The following TENM3 variants were observed in gnomAD, a reference collection of about 807,000 sequenced individuals.
TENM3 encodes teneurin-3.
In TENM3, 63 loss-of-function variants were observed where a neutral mutation model predicts 255.1. The ratio of observed to expected loss-of-function variants is 0.25; its 90% CI spans 0.20 to 0.30. TENM3 has a LOEUF of 0.30. TENM3 is among the 10% of genes least tolerant of loss of function. TENM3 has a pLI of 1.00. For synonymous variants in TENM3, 1,306 were observed against 1,322.3 expected, an observed-to-expected ratio of 0.99 and a Z score of 0.27; for missense variants, 2,929 against 3,461.1, an observed-to-expected ratio of 0.85 and a Z score of 3.86.
At chr4:181,477,518 G>T in the TENM3 span, among the ~76,000 whole-genome samples, 5 of 151,950 alleles carry the variant, frequency 3.3e-5, no homozygotes, top group Non-Finnish European at 5.9e-5. Context: ...AATATGTAAA[G>T]GTTTGAATAC....
At chr4:182,064,560 A>G in the TENM3 span, among the ~76,000 whole-genome samples, 14 of 151,930 alleles carry the variant, frequency 9.2e-5, no homozygotes, top group East Asian at 1.9e-4. Context: ...CAGCCTGGGC[A>G]ACAGAGCGAG....
At chr4:181,449,863 A>C in the TENM3 span, among the ~76,000 whole-genome samples, 89,877 of 151,998 alleles carry the variant, frequency 0.59, 26,723 homozygotes, top group Middle Eastern at 0.65. Flanking sequence ...GTATTTGGAC[A>C]CCCAAATCAG....
At chr4:181,721,002 G>C in the TENM3 span, among the ~76,000 whole-genome samples, 1 of 152,032 alleles carries the variant, frequency 6.6e-6, no homozygotes, top group Non-Finnish European at 1.5e-5. Context: ...ACATAGGAGA[G>C]ATGCCTGATC....
Position 182,802,690 on chromosome 4 carries a change from C to A in TENM3, c.*2339C>A, listed in dbSNP as rs1344720842. On this transcript the variant is annotated 3_prime_UTR_variant, in exon 28 of 28. Coordinates refer to ENST00000511685, the MANE Select transcript of TENM3 (RefSeq NM_001080477.4). ...GTGTCCTGTTAGTAGGTATAATGAG[C>A]CTATTTCTTTCTAAAAAGACTTGTG... 1 of 152,220 alleles carries A rather than the reference C, an allele frequency of 6.6e-6. No individual in the cohort carries two copies. Among genetic ancestry groups the A allele is most frequent in the Non-Finnish European group, 1.5e-5 (1 of 68,006 alleles). 9.4% of individuals were successfully genotyped at this position (152,220 alleles called of 1,614,324 possible).
intron 3 of TENM3, among the ~76,000 whole-genome samples, chr4:182,515,361 G>GA (rs904725341): frequency 1.3e-4 from 19 of 151,610 alleles, no homozygotes; most frequent in Admixed American, 3.3e-4. Flanking sequence ...GAATTTTTTT[G>GA]AAAAAAATAG....
At chr4:181,808,649 G>A in the TENM3 span, among the ~76,000 whole-genome samples, 1 of 152,078 alleles carries the variant, frequency 6.6e-6, no homozygotes, top group Non-Finnish European at 1.5e-5. Context: ...AATTCATAAA[G>A]AAATTGCATG....
At chr4:182,025,417 AAC>A in the TENM3 span, among the ~76,000 whole-genome samples, 3 of 152,188 alleles carry the variant, frequency 2.0e-5, no homozygotes, top group Non-Finnish European at 4.4e-5. Context: ...TGGACACATC[AAC>A]AGCTTTGGAA....
the TENM3 span, among the ~76,000 whole-genome samples, chr4:181,495,923 G>C: frequency 2.4e-5 from 2 of 84,830 alleles, no homozygotes; most frequent in African/African-American, 8.1e-5. Flanking sequence ...AAAAAAAAAA[G>C]AAACATAAAA....
At chr4:181,462,056 CT>C in the TENM3 span, among the ~76,000 whole-genome samples, 1 of 152,116 alleles carries the variant, frequency 6.6e-6, no homozygotes, top group African/African-American at 2.4e-5. Flanking sequence ...GACCGATTTG[CT>C]TTTATGCTGT....
chr4:181,821,390 T>C, the TENM3 span, among the ~76,000 whole-genome samples: 3 of 152,330 alleles, frequency 2.0e-5, no homozygotes, highest in South Asian at 4.1e-4. Flanking sequence ...TCTTATATCC[T>C]GCGATATAAT....
Position 182,601,054 on chromosome 4 carries a change from G to A in TENM3, c.642G>A (p.Gln214=). Reference sequence around the variant, plus strand: ...ACTCCCTGACCAATAGAAGGAACCAGAGTCCGGCCCCGCCGGCTGCTTTGC... The same window carrying A: ...ACTCCCTGACCAATAGAAGGAACCAAAGTCCGGCCCCGCCGGCTGCTTTGC... ...NRNSLTNRRN[Q]SPAPPAALPA... Residue 214 remains glutamine (Q), a synonymous_variant, in exon 4 of 28, where the codon CAG becomes CAA. Transcript: ENST00000511685. 1 of 1,613,710 alleles carries A rather than the reference G, an allele frequency of 6.2e-7. No homozygotes were observed. Among genetic ancestry groups the A allele is most frequent in the Non-Finnish European group, 8.5e-7 (1 of 1,179,824 alleles).
At chr4:182,139,987 T>C (rs1749282377), upstream of TENM3, among the ~76,000 whole-genome samples, 1 of 152,244 alleles carries the variant, frequency 6.6e-6, no homozygotes, top group Admixed American at 6.5e-5. Context: ...AAAGCATGTT[T>C]TCCTCTACAA....
chr4:181,867,401 C>T, the TENM3 span, among the ~76,000 whole-genome samples: 2 of 152,166 alleles, frequency 1.3e-5, no homozygotes, highest in Non-Finnish European at 2.9e-5. Flanking sequence ...ATTTAGGCCC[C>T]ACCTCCTCCA....
chr4:181,941,094 G>A, the TENM3 span, among the ~76,000 whole-genome samples: 1 of 152,106 alleles, frequency 6.6e-6, no homozygotes, highest in Non-Finnish European at 1.5e-5. Flanking sequence ...AATGGGAGGT[G>A]GAATCAAAAA....
Position 182,432,849 on chromosome 4 carries a change from G to GGTGTGTGTGTGTGTGT in TENM3, c.511+85921_511+85936dup, listed in dbSNP as rs70956512. On this transcript the variant is annotated intron_variant, in intron 3 of 27. Coordinates refer to ENST00000511685, the MANE Select transcript of TENM3 (RefSeq NM_001080477.4). ...AATTTTTCATCAGGGAATGGATTTG[G>GGTGTGTGTGTGTGTGT]GTGTGTGTGTGTGTGTTTTAGTAGA... Among the ~76,000 whole-genome samples the GGTGTGTGTGTGTGTGT allele has an allele frequency of 2.2e-3, 311 of 143,058 alleles. 4 individuals are homozygous for GGTGTGTGTGTGTGTGT. Among genetic ancestry groups the GGTGTGTGTGTGTGTGT allele is most frequent in the South Asian group, 3.9e-3 (16 of 4,072 alleles). 93.9% of individuals were successfully genotyped at this position (143,058 alleles called of 152,430 possible). A position where few individuals can be genotyped will look rare whatever the true frequency, so the allele number is the denominator to read the frequency against.
the TENM3 span, among the ~76,000 whole-genome samples, chr4:181,510,971 A>C: frequency 6.6e-6 from 1 of 152,216 alleles, no homozygotes; most frequent in Non-Finnish European, 1.5e-5. Flanking sequence ...CCCTTTTGGT[A>C]AGAAGGCCCA....
At chr4:182,615,837 A>G (rs1749461008) in intron 4 of TENM3, among the ~76,000 whole-genome samples, 1 of 152,218 alleles carries the variant, frequency 6.6e-6, no homozygotes, top group Admixed American at 6.5e-5. Context: ...TTCTAAATTG[A>G]CTACTCGAAG....
At chr4:181,475,140 C>T in the TENM3 span, among the ~76,000 whole-genome samples, 11 of 152,158 alleles carry the variant, frequency 7.2e-5, no homozygotes, top group Admixed American at 3.9e-4. Context: ...AACAGGCATC[C>T]GCTTATCTCT....
At chr4:181,964,809 GA>G in the TENM3 span, among the ~76,000 whole-genome samples, 1 of 152,072 alleles carries the variant, frequency 6.6e-6, no homozygotes, top group Non-Finnish European at 1.5e-5. Context: ...AAACAAACAT[GA>G]AACTTAAAAT....
Sources: allele counts gnomAD v4.1 joint callset (sites outside exome capture counted in the v4.1 genomes callset), GRCh38; gene constraint gnomAD v4.1.1; transcripts MANE v1.5; gene names NCBI Gene and HGNC (gene_info 2026-07-23, HGNC 2026-07-21).